The following RIF1 variants were observed in gnomAD, a reference collection of about 807,000 sequenced individuals.
RIF1 encodes the protein replication timing regulatory factor 1.
A neutral mutation model predicts 247.1 loss-of-function variants in RIF1; 45 were observed. The observed-to-expected ratio is 0.18, with a 90% CI of 0.14 to 0.23. The LOEUF is 0.23. Ranked by LOEUF, RIF1 falls within the 10% of genes least tolerant of loss-of-function variation. The pLI is 1.00. For synonymous variants in RIF1, 1,087 were observed against 978.8 expected (o/e 1.11, Z -2.06); for missense variants, 2,967 against 2,862.5 (o/e 1.04, Z -0.83).
At chr2:151,485,991 C>T, downstream of RIF1, 1 of 1,533,690 alleles carries the variant, frequency 6.5e-7, no homozygotes, top group Non-Finnish European at 9.0e-7. Flanking sequence ...ACAGTTAACA[C>T]ACATCTATTT....
At chr2:151,427,944 C>T (rs1479664236) in intron 8 of RIF1, among the ~76,000 whole-genome samples, 1 of 152,192 alleles carries the variant, frequency 6.6e-6, no homozygotes. Context: ...ATAATCCCAG[C>T]TACTTGGGAG....
intron 14 of RIF1, 88 bp downstream of exon 14, chr2:151,438,834 A>G (rs1458118536): frequency 2.3e-5 from 18 of 773,550 alleles, no homozygotes; most frequent in Admixed American, 8.9e-5. Flanking sequence ...TTGTTTGACT[A>G]TATAAAATTT....
chr2:151,528,041 A>C, the RIF1 span, among the ~76,000 whole-genome samples: 4 of 152,248 alleles, frequency 2.6e-5, no homozygotes, highest in East Asian at 5.8e-4. Flanking sequence ...CCTAATCTTC[A>C]TAACAACTGC....
intron 11 of RIF1, among the ~76,000 whole-genome samples, chr2:151,436,189 G>A (rs529125086): frequency 6.6e-6 from 1 of 152,028 alleles, no homozygotes; most frequent in Non-Finnish European, 1.5e-5. Flanking sequence ...TCTCGCCACT[G>A]CACTCCAGCC....
chr2:151,424,853 T>C (rs1688750637), intron 8 of RIF1, among the ~76,000 whole-genome samples: 5 of 139,326 alleles, frequency 3.6e-5, no homozygotes, highest in South Asian at 2.5e-4. Flanking sequence ...TTTTTTTTTT[T>C]TTTCCATATT....
rs574042923 is a variant in RIF1 at position 151,472,848 on chromosome 2, T to C, written c.7096-1116T>C. Among the ~76,000 whole-genome samples, 3 of 152,344 alleles carry C rather than the reference T, an allele frequency of 2.0e-5. No homozygotes were observed. The South Asian group carries it at 6.2e-4, about 32-fold the overall frequency. ...TAAAAATCTCTTTTTTTGTTGTGTC[T>C]CTGCCAGGCTTTGGTATCAGGATGA... is the stretch of plus-strand genomic sequence containing the variant. On this transcript the variant is annotated intron_variant, in intron 34 of 35. Transcript: ENST00000444746.
At position 151,465,165 on chromosome 2, in the gene RIF1, A is replaced by G. The variant is rs147309560; in HGVS notation, c.5645A>G (p.Glu1882Gly). The change falls in exon 30 of 36, where the codon GAA becomes GGA. Residue 1882 changes from glutamate to glycine, a missense_variant. Transcript: ENST00000444746. ...CAGGAATCTTTGGAGACAAAAGAAG[A>G]AAAACCAGAAGAAACCCCAAAAATG... is the stretch of plus-strand genomic sequence containing the variant. ...VSQESLETKE[E>G]KPEETPKMEL... The G allele has an allele frequency of 4.0e-5, 65 of 1,613,784 alleles. No homozygotes were observed. In the African/African-American group the frequency reaches 7.5e-4, roughly 19 times the overall value.
intron 8 of RIF1, among the ~76,000 whole-genome samples, chr2:151,427,710 C>G (rs771433383): frequency 7.3e-5 from 11 of 151,584 alleles, no homozygotes; most frequent in Non-Finnish European, 1.5e-4. Flanking sequence ...CACTTGAGGT[C>G]AGTAGTTAGT....
At chr2:151,453,338 A>G (rs1694643127) in intron 21 of RIF1, among the ~76,000 whole-genome samples, 2 of 152,150 alleles carry the variant, frequency 1.3e-5, no homozygotes, top group African/African-American at 4.8e-5. Flanking sequence ...GCACTTTGAG[A>G]GGCCGAGGTG....
chr2:151,506,486 T>C (rs778854545), intron 13 of RIF1: 8 of 503,244 alleles, frequency 1.6e-5, no homozygotes, highest in Admixed American at 3.6e-5. Context: ...GATTGTGGTA[T>C]ACCATACTAA....
Position 151,443,556 on chromosome 2 carries a change from A to G in RIF1, c.1833A>G (p.Val611=). ...TCTTTCTCAGTTTGGAATCACTTGT[A>G]GGCTGTGTTCTTTCTGGTCCAACTT... The part of the protein sequence containing the change: ...ERFFLSLESL[V]GCVLSGPTSP... Residue 611 remains valine (V), a synonymous_variant, in exon 18 of 36, where the codon GTA becomes GTG. Transcript: ENST00000444746. The G allele has an allele frequency of 1.9e-6, 3 of 1,604,220 alleles. No homozygotes were observed. The highest frequency in any genetic ancestry group is 2.5e-6 in the Non-Finnish European group (3 of 1,177,384).
At chr2:151,520,427 C>T in the RIF1 span, among the ~76,000 whole-genome samples, 3 of 151,976 alleles carry the variant, frequency 2.0e-5, no homozygotes, top group Non-Finnish European at 4.4e-5. Flanking sequence ...TTTTAGTATA[C>T]ATAAAAATAA....
chr2:151,498,102 T>TTAAC (rs1231115095), intron 10 of RIF1: 16 of 1,480,492 alleles, frequency 1.1e-5, no homozygotes, highest in Middle Eastern at 2.3e-4. Context: ...AAAATTGACA[T>TTAAC]TAACTGTATT....
the RIF1 span, chr2:151,518,514 A>G: frequency 2.3e-5 from 18 of 778,928 alleles, no homozygotes; most frequent in African/African-American, 1.4e-4. Flanking sequence ...ACACAGCACC[A>G]TTGTCAAGAT....
the RIF1 span, chr2:151,525,241 T>C: frequency 3.7e-6 from 6 of 1,613,874 alleles, no homozygotes; most frequent in South Asian, 6.6e-5. Flanking sequence ...TGGATTTTCC[T>C]TTCTCCTTGA....
the RIF1 span, among the ~76,000 whole-genome samples, chr2:151,526,739 ACTGCTGCTGCC>A: frequency 2.0e-5 from 3 of 152,234 alleles, no homozygotes; most frequent in East Asian, 5.8e-4. Flanking sequence ...TGGCCCTTGC[ACTGCTGCTGCC>A]CTGCTTGACT....
intron 9 of RIF1, chr2:151,493,307 T>G: frequency 7.1e-7 from 1 of 1,410,600 alleles, no homozygotes; most frequent in Non-Finnish European, 9.9e-7. Context: ...GTTAAAATGT[T>G]ATTTTCCAAG....
downstream of RIF1, chr2:151,508,049 GGGT>G: frequency 6.2e-7 from 1 of 1,611,192 alleles, no homozygotes; most frequent in Non-Finnish European, 8.5e-7. Context: ...TGTATCTCTG[GGGT>G]GTCCAAAACA....
Position 151,480,251 on chromosome 2 carries a change from G to A in RIF1, c.*5180G>A, listed in dbSNP as rs563570981. ...AAGTAAGAAAAAAACTCTAACTTTT[G>A]TACTCTACTTGTAGCAGAGGGAATA... On this transcript the variant is annotated 3_prime_UTR_variant, in exon 36 of 36. Coordinates refer to ENST00000444746, the MANE Select transcript of RIF1 (RefSeq NM_018151.5). 3 of 152,244 alleles carry A rather than the reference G, an allele frequency of 2.0e-5. No individual in the cohort carries two copies. Among genetic ancestry groups the A allele is most frequent in the Admixed American group, 6.5e-5 (1 of 15,294 alleles). 9.4% of individuals were successfully genotyped at this position (152,244 alleles called of 1,614,324 possible).
Sources: gnomAD v4.1 joint callset for allele counts (sites outside exome capture counted in the v4.1 genomes callset) on GRCh38, gnomAD v4.1.1 for gene constraint, MANE v1.5 for transcripts, NCBI Gene and HGNC (gene_info 2026-07-23, HGNC 2026-07-21) for gene names.